Variants in GGTLC2 observed in about 807,000 individuals in gnomAD.
The protein encoded by GGTLC2 is gamma-glutamyltransferase light chain 2.
In GGTLC2, 13 loss-of-function variants were observed where a neutral mutation model predicts 20.2. The ratio of observed to expected loss-of-function variants is 0.64; its 90% CI spans 0.42 to 1.02. The LOEUF (loss-of-function observed/expected upper bound fraction) is 1.02. GGTLC2 is among the 50% of genes least tolerant of loss of function. The probability of loss-of-function intolerance (pLI) is 0.00; values close to 1 mark genes in which losing one functional copy is unlikely to be tolerated. For synonymous variants in GGTLC2, 89 were observed against 125.5 expected, an observed-to-expected ratio of 0.71 and a Z score of 1.94; for missense variants, 202 against 301.3, an observed-to-expected ratio of 0.67 and a Z score of 2.44.
At chr22:22,647,072 C>T (rs1202658375) in intron 4 of GGTLC2, 34 bp downstream of exon 4, 1 of 1,611,574 alleles carries the variant, frequency 6.2e-7, no homozygotes, top group Non-Finnish European at 8.5e-7. Context: ...TGGGGGCACA[C>T]AGATCACCAC....
chr22:22,646,279 T>TCCCCAGGGCCCCCC, intron 1 of GGTLC2, 33 bp from the exon 2 acceptor site: 1 of 827,336 alleles, frequency 1.2e-6, no homozygotes, highest in Admixed American at 2.2e-5. Context: ...GAGACCTGTG[T>TCCCCAGGGCCCCCC]CCCCTCCCCA....
In GGTLC2 at chr22:22,647,161, C is replaced by T; in HGVS notation, c.381C>T (p.His127=). 6.2e-7 allele frequency: 1 copy of T among 1,611,612 alleles called. No individual in the cohort carries two copies. The highest frequency in any genetic ancestry group is 8.5e-7 in the Non-Finnish European group (1 of 1,179,776). Residue 127 remains histidine (H), a synonymous_variant, in exon 5 of 6, where the codon CAC becomes CAT. Coordinates refer to ENST00000448514, the MANE Select transcript of GGTLC2 (RefSeq NM_199127.3). ...QDGQPPSHAD[H]TPMPQAIIYN... ...CACAGCCCCCAAGCCATGCTGATCACACTCCCATGCCCCAGGCCATCATCT... is the reference window on the plus strand; with the variant it reads ...CACAGCCCCCAAGCCATGCTGATCATACTCCCATGCCCCAGGCCATCATCT...
chr22:22,646,576 G>T (rs1601955059), intron 2 of GGTLC2, 55 bp downstream of exon 2: 1 of 1,352,034 alleles, frequency 7.4e-7, no homozygotes, highest in East Asian at 2.5e-5. Flanking sequence ...GTGGCCCAGG[G>T]ACTGCCCACT....
At position 22,647,499 on chromosome 22, in the gene GGTLC2, A is replaced by C. The variant is rs940757208; in HGVS notation, c.511-96A>C. ...TGCTCTTCCTGATGACCTGGCCCGA[A>C]ATGGCACCACCTGGGCTGAGGCCTG... On this transcript the variant is annotated intron_variant, in intron 5 of 5. Transcript: ENST00000448514. 1.6e-5 allele frequency: 26 copies of C among 1,591,180 alleles called. 1 individual carries two copies. The highest frequency in any genetic ancestry group is 2.1e-5 in the Non-Finnish European group (24 of 1,164,376).
At chr22:22,646,603 T>C in intron 2 of GGTLC2, 82 bp downstream of exon 2, 2 of 1,299,304 alleles carry the variant, frequency 1.5e-6, no homozygotes, top group Non-Finnish European at 2.1e-6. Flanking sequence ...GTAAGGTGGC[T>C]CCATCACCTC....
rs2064054221 is a variant in GGTLC2, at chr22:22,645,799, C to T, written c.-34-513C>T. On this transcript the variant is annotated intron_variant, in intron 1 of 5. Coordinates refer to ENST00000448514, the MANE Select transcript of GGTLC2 (RefSeq NM_199127.3). The stretch of plus-strand genomic sequence containing the variant: ...CCATTCACTCTCTGCCTATCGCTCA[C>T]CAGCCTATACCACCTGCCTCAGGGC... 2.0e-5 allele frequency among the ~76,000 whole-genome samples: 3 copies of T among 151,518 alleles called. No individual in the cohort carries two copies. In the South Asian group the frequency reaches 6.3e-4, roughly 32 times the overall value.
rs1172336159 is a variant in GGTLC2, at chr22:22,646,797, A to G, written c.220A>G (p.Asn74Asp). 6.2e-7 allele frequency: 1 copy of G among 1,609,464 alleles called. No homozygotes were observed. The highest frequency in any genetic ancestry group is 1.7e-5 in the Admixed American group (1 of 59,904). Residue 74 changes from asparagine (N) to aspartate (D), a missense_variant, in exon 3 of 6, where the codon AAT becomes GAT. Physicochemically the swap from Asn to Asp is conservative, Grantham distance 23 (BLOSUM62 1). Transcript: ENST00000448514. ...VRSPVSEILFNDEMDDFSSPN... is the reference protein window; with the variant it reads ...VRSPVSEILFDDEMDDFSSPN... Reference sequence around the variant, plus strand: ...CTCCCCGGTCAGCGAGATCCTGTTCAATGATGAAATGGATGACTTCAGCTC... The same window carrying G: ...CTCCCCGGTCAGCGAGATCCTGTTCGATGATGAAATGGATGACTTCAGCTC...
chr22:22,644,884 T>C (rs1456401512), intron 1 of GGTLC2, among the ~76,000 whole-genome samples, 176 bp downstream of exon 1: 88 of 31,198 alleles, frequency 2.8e-3, no homozygotes, highest in Middle Eastern at 0.024. Context: ...GACTCTCTCT[T>C]TTTTTTTTTT....
chr22:22,644,882 C>CTTTT lies in GGTLC2; in HGVS notation c.-35+197_-35+200dup, dbSNP rs1180593782. 3.6e-3 allele frequency among the ~76,000 whole-genome samples: 117 copies of CTTTT among 32,544 alleles called. 2 individuals carry two copies. Among genetic ancestry groups the CTTTT allele is most frequent in the Non-Finnish European group, 4.8e-3 (101 of 20,916 alleles). 21.4% of individuals were successfully genotyped at this position (32,544 alleles called of 152,430 possible). ...CCTGGGCAACAGAGTCAGACTCTCT[C>CTTTT]TTTTTTTTTTTTTTTTTTTTTTTTT... On this transcript the variant is annotated intron_variant, in intron 1 of 5. Coordinates refer to ENST00000448514, the MANE Select transcript of GGTLC2 (RefSeq NM_199127.3).
intron 5 of GGTLC2, 122 bp from the exon 6 acceptor site, chr22:22,647,473 C>T: frequency 3.3e-6 from 4 of 1,218,134 alleles, no homozygotes; most frequent in Non-Finnish European, 3.5e-6. Flanking sequence ...AGGCCCCAAC[C>T]TGCTCTTCCT....
intron 4 of GGTLC2, 49 bp from the exon 5 acceptor site, chr22:22,647,092 A>G: frequency 6.2e-7 from 1 of 1,611,666 alleles, no homozygotes; most frequent in South Asian, 1.1e-5. Context: ...CAGCCACTGC[A>G]CTGATATGTG....
At position 22,646,174 on chromosome 22, in the gene GGTLC2, A is replaced by T. The variant is rs539351111; in HGVS notation, c.-34-138A>T. ...ACAGAGACAGGGAGTCAGACTGGTC[A>T]TGCAAGATCCTGGGCCTGCCCTTGG... On this transcript the variant is annotated intron_variant, in intron 1 of 5. Transcript: ENST00000448514. 10,456 of 1,378,502 alleles carry T rather than the reference A, an allele frequency of 7.6e-3. 165 individuals are homozygous for T. Among genetic ancestry groups the T allele is most frequent in the African/African-American group, 0.023 (1,559 of 66,818 alleles). 85.4% of individuals were successfully genotyped at this position (1,378,502 alleles called of 1,614,324 possible). A position where few individuals can be genotyped will look rare whatever the true frequency, so the allele number is the denominator to read the frequency against.
At position 22,646,794 on chromosome 22, in the gene GGTLC2, T is replaced by C. The variant is rs2064111101; in HGVS notation, c.217T>C (p.Phe73Leu). ...KVRSPVSEIL[F>L]NDEMDDFSSP... ...CCGCTCCCCGGTCAGCGAGATCCTGTTCAATGATGAAATGGATGACTTCAG... is the reference window on the plus strand; with the variant it reads ...CCGCTCCCCGGTCAGCGAGATCCTGCTCAATGATGAAATGGATGACTTCAG... The change falls in exon 3 of 6, where the codon TTC becomes CTC. Residue 73 changes from phenylalanine (F) to leucine (L), a missense_variant. Physicochemically the swap from Phe to Leu is conservative, Grantham distance 22 (BLOSUM62 0). Coordinates refer to ENST00000448514, the MANE Select transcript of GGTLC2 (RefSeq NM_199127.3). The C allele has an allele frequency of 1.9e-6, 3 of 1,609,612 alleles. No individual in the cohort carries two copies. The highest frequency in any genetic ancestry group is 1.7e-6 in the Non-Finnish European group (2 of 1,176,772).
chr22:22,645,868 C>T (rs575414739), intron 1 of GGTLC2, among the ~76,000 whole-genome samples: 50 of 151,106 alleles, frequency 3.3e-4, no homozygotes, highest in Non-Finnish European at 5.8e-4. Context: ...TCTTTTCACA[C>T]GTTGCCTCCT....
At position 22,646,742 on chromosome 22, in the gene GGTLC2, G is replaced by T. The variant is rs1472660964; in HGVS notation, c.177-12G>T. 1 of 1,608,722 alleles carries T rather than the reference G, an allele frequency of 6.2e-7. No homozygotes were observed. The highest frequency in any genetic ancestry group is 2.2e-5 in the East Asian group (1 of 44,706). ...GCAAGGTCAGGTGCTGTCTGACCTG[G>T]CTGGGCGGTAGCTTTGGCTCCAAGG... On this transcript the variant is annotated splice_polypyrimidine_tract_variant and intron_variant, in intron 2 of 5. Transcript: ENST00000448514.
In GGTLC2 at chr22:22,647,132, C is replaced by T. The variant is rs750997223; in HGVS notation, c.361-9C>T. 1.8e-5 allele frequency: 29 copies of T among 1,611,508 alleles called. No individual in the cohort carries two copies. Among genetic ancestry groups the T allele is most frequent in the Admixed American group, 3.3e-5 (2 of 59,964 alleles). On this transcript the variant is annotated splice_polypyrimidine_tract_variant and intron_variant, in intron 4 of 5. Transcript: ENST00000448514. ...CCCTTTTCTCCCTGGCCGTGCCCAC[C>T]CTGCACAGCCCCCAAGCCATGCTGA...
intron 1 of GGTLC2, among the ~76,000 whole-genome samples, chr22:22,645,076 T>C (rs1390641978): frequency 6.7e-6 from 1 of 148,152 alleles, no homozygotes; most frequent in African/African-American, 2.5e-5. Flanking sequence ...GTATTTTTAG[T>C]AGAGACGGGG....
Position 22,647,769 on chromosome 22 carries a change from C to G in GGTLC2, c.*28C>G. On this transcript the variant is annotated 3_prime_UTR_variant, in exon 6 of 6. Transcript: ENST00000448514. ...GCTCCAGGAGGACAAGGCTGACAAG[C>G]AATCCAGGGACAAGATACTCACCAG... The G allele has an allele frequency of 6.3e-7, 1 of 1,587,588 alleles. No individual in the cohort carries two copies. The highest frequency in any genetic ancestry group is 8.6e-7 in the Non-Finnish European group (1 of 1,165,814).
At chr22:22,646,726 G>A (rs748236453) in intron 2 of GGTLC2, 28 bp from the exon 3 acceptor site, 1 of 1,607,748 alleles carries the variant, frequency 6.2e-7, no homozygotes, top group Non-Finnish European at 8.5e-7. Flanking sequence ...GGCAAGGTCA[G>A]GTGCTGTCTG....
Sources: gnomAD v4.1 joint callset for allele counts (sites outside exome capture counted in the v4.1 genomes callset) on GRCh38, gnomAD v4.1.1 for gene constraint, MANE v1.5 for transcripts, NCBI Gene and HGNC (gene_info 2026-07-23, HGNC 2026-07-21) for gene names.